Variants in C8orf76 observed in about 807,000 individuals in gnomAD.
The protein encoded by C8orf76 is uncharacterized protein C8orf76.
In C8orf76, 46 loss-of-function variants were observed where a neutral mutation model predicts 38.1. The ratio of observed to expected loss-of-function variants is 1.21; its 90% CI spans 0.95 to 1.54. C8orf76 has a LOEUF of 1.54. Ranked by LOEUF, C8orf76 falls within the 40% of genes most tolerant of loss-of-function variation. The pLI is 0.00. For synonymous variants in C8orf76, 166 were observed against 167.5 expected, an observed-to-expected ratio of 0.99 and a Z score of 0.07; for missense variants, 461 against 441.6, an observed-to-expected ratio of 1.04 and a Z score of -0.39.
chr8:123,232,807 C>T (rs1259366523), intron 3 of C8orf76, among the ~76,000 whole-genome samples: 17 of 152,088 alleles, frequency 1.1e-4, no homozygotes, highest in Non-Finnish European at 2.9e-5. Flanking sequence ...TCCTTCCCAA[C>T]AGACCATTTA....
At chr8:123,235,867 C>A (rs1230501096) in intron 3 of C8orf76, among the ~76,000 whole-genome samples, 1 of 152,178 alleles carries the variant, frequency 6.6e-6, no homozygotes, top group African/African-American at 2.4e-5. Flanking sequence ...GCAAGAAACG[C>A]CGAGCGAGCA....
At position 123,231,618 on chromosome 8, in the gene C8orf76, T is replaced by A. The variant is rs750007760; in HGVS notation, c.497A>T (p.Asn166Ile). The A allele has an allele frequency of 6.2e-7, 1 of 1,614,202 alleles. No homozygotes were observed. Among genetic ancestry groups the A allele is most frequent in the Non-Finnish European group, 8.5e-7 (1 of 1,180,034 alleles). Residue 166 changes from asparagine (N) to isoleucine (I), a missense_variant, in exon 4 of 6, where the codon AAC becomes ATC. Physicochemically the swap from Asn to Ile is moderately radical, Grantham distance 149. Transcript: ENST00000276704. ...GTAAGCCTCTGCCAATTTGCCCCAGTTCCAAGGATTAAAAGGATGCAAAGA... is the reference window on the plus strand; with the variant it reads ...GTAAGCCTCTGCCAATTTGCCCCAGATCCAAGGATTAAAAGGATGCAAAGA... ...LISLHPFNPW[N>I]WGKLAEAYLN... is the part of the protein sequence containing the mutation.
Position 123,239,332 on chromosome 8 carries a change from T to G in C8orf76, c.118-188A>C, listed in dbSNP as rs138152549. 3.9e-3 allele frequency: 2,121 copies of G among 548,374 alleles called. 36 individuals carry two copies. Among genetic ancestry groups the G allele is most frequent in the African/African-American group, 0.037 (1,925 of 52,480 alleles). The allele number at this position is 548,374 out of a possible 1,614,324, so 34.0% of individuals were successfully genotyped here. A position where few individuals can be genotyped will look rare whatever the true frequency, so the allele number is the denominator to read the frequency against. ...TGCCCACCTTGGCCTCCCAAAGTGC[T>G]GGGATTACAGGTGTGAGCCACCGCA... On this transcript the variant is annotated intron_variant, in intron 1 of 5. Transcript: ENST00000276704.
intron 3 of C8orf76, among the ~76,000 whole-genome samples, chr8:123,232,096 A>G (rs1433965482): frequency 2.6e-5 from 4 of 152,264 alleles, no homozygotes; most frequent in Non-Finnish European, 5.9e-5. Context: ...GTCTTCAGCC[A>G]GGTATCTGAA....
In C8orf76 at chr8:123,226,642, C is replaced by G. The variant is rs773311952; in HGVS notation, c.816-10G>C. On this transcript the variant is annotated splice_polypyrimidine_tract_variant and intron_variant, in intron 4 of 5. Transcript: ENST00000276704. The stretch of plus-strand genomic sequence containing the variant: ...AAACTGAAGCAGAAGCCTGAAAAAC[C>G]GAAAAGTCTCAATGCGTGGCGAAAA... 2 of 1,586,834 alleles carry G rather than the reference C, an allele frequency of 1.3e-6. No individual in the cohort carries two copies. Among genetic ancestry groups the G allele is most frequent in the Non-Finnish European group, 1.7e-6 (2 of 1,172,368 alleles).
intron 3 of C8orf76, chr8:123,236,783 CA>C (rs34417634): frequency 0.24 from 89,345 of 374,432 alleles, 495 homozygotes; most frequent in Admixed American, 0.32. Context: ...GACTCTGTCT[CA>C]AAAAAAAAAA....
intron 3 of C8orf76, among the ~76,000 whole-genome samples, chr8:123,234,895 G>A (rs1487594803): frequency 1.3e-5 from 2 of 152,188 alleles, no homozygotes; most frequent in Non-Finnish European, 2.9e-5. Context: ...CTGGGAGGAG[G>A]AGGCTGCAGT....
chr8:123,234,291 G>C (rs1248156837), intron 3 of C8orf76, among the ~76,000 whole-genome samples: 1 of 152,110 alleles, frequency 6.6e-6, no homozygotes, highest in East Asian at 1.9e-4. Flanking sequence ...TGGTAAGCAG[G>C]AGAGCTACAG....
Position 123,239,059 on chromosome 8 carries a change from TGTC to T in C8orf76, c.200_202del (p.Arg67del). 3 of 1,614,134 alleles carry T rather than the reference TGTC, an allele frequency of 1.9e-6. No homozygotes were observed. The highest frequency in any genetic ancestry group is 2.5e-6 in the Non-Finnish European group (3 of 1,179,992). On this transcript the variant is annotated inframe_deletion, in exon 2 of 6. Coordinates refer to ENST00000276704, the MANE Select transcript of C8orf76 (RefSeq NM_032847.3). Reference sequence around the variant, plus strand: ...TATGTTGAATTCTACCTGATACTCTTGTCGTCTGTAGGCCAGGTCTCCTTTGAA... The same window carrying T: ...TATGTTGAATTCTACCTGATACTCTTGTCTGTAGGCCAGGTCTCCTTTGAA...
At chr8:123,224,987 A>T in intron 5 of C8orf76, among the ~76,000 whole-genome samples, 1 of 152,102 alleles carries the variant, frequency 6.6e-6, no homozygotes, top group East Asian at 1.9e-4. Flanking sequence ...GAGAATTAAA[A>T]GACTGATCAG....
intron 3 of C8orf76, among the ~76,000 whole-genome samples, chr8:123,235,005 G>A (rs1055195467): frequency 2.6e-5 from 4 of 152,058 alleles, no homozygotes; most frequent in African/African-American, 7.2e-5. Flanking sequence ...TGGCTAAACC[G>A]ACCAGACACT....
intron 2 of C8orf76, 99 bp downstream of exon 2, chr8:123,238,950 A>G: frequency 8.1e-7 from 1 of 1,240,628 alleles, no homozygotes; most frequent in Non-Finnish European, 1.2e-6. Context: ...GATTAAACTC[A>G]TCTTCATAAA....
chr8:123,224,945 C>T (rs1053625545), intron 5 of C8orf76, among the ~76,000 whole-genome samples: 4 of 152,192 alleles, frequency 2.6e-5, no homozygotes, highest in African/African-American at 7.2e-5. Flanking sequence ...CAGAATATTC[C>T]GGAAAAGCTT....
chr8:123,222,214 G>C (rs1344807007), intron 5 of C8orf76, among the ~76,000 whole-genome samples: 2 of 151,632 alleles, frequency 1.3e-5, no homozygotes, highest in African/African-American at 4.8e-5. Context: ...GTCTTGATCT[G>C]ACCTCGTGAT....
At position 123,231,453 on chromosome 8, in the gene C8orf76, G is replaced by A. The variant is rs763158198; in HGVS notation, c.662C>T (p.Pro221Leu). 80 of 1,614,072 alleles carry A rather than the reference G, an allele frequency of 5.0e-5. No individual in the cohort carries two copies. The South Asian group carries it at 8.0e-4, about 16-fold the overall frequency. The change falls in exon 4 of 6, where the codon CCT becomes CTT. Residue 221 changes from proline to leucine, a missense_variant. Physicochemically the swap from Pro to Leu is moderately conservative, Grantham distance 98. Transcript: ENST00000276704. ...DCLLCFPETL[P>L]ESSLFSVEAN... The stretch of plus-strand genomic sequence containing the variant: ...TTCCACAGAAAATAAAGAGCTCTCA[G>A]GCAAGGTTTCAGGAAAACACAAAAG...
intron 5 of C8orf76, among the ~76,000 whole-genome samples, chr8:123,221,995 T>C (rs1335420760): frequency 2.6e-5 from 4 of 152,128 alleles, no homozygotes; most frequent in African/African-American, 9.7e-5. Flanking sequence ...TTTCTTTTTT[T>C]TGGGGGGCGG....
chr8:123,236,934 A>C, intron 3 of C8orf76: 1 of 1,446,434 alleles, frequency 6.9e-7, no homozygotes, highest in Non-Finnish European at 9.7e-7. Context: ...CAGGACAAGG[A>C]GGGCATCCCA....
intron 4 of C8orf76, among the ~76,000 whole-genome samples, chr8:123,227,298 T>C (rs544372851): frequency 4.8e-4 from 73 of 151,706 alleles, no homozygotes; most frequent in African/African-American, 1.3e-3. Flanking sequence ...ATGCAGATTT[T>C]CCCCTTTTTT....
At chr8:123,236,369 C>G (rs1693542412) in intron 3 of C8orf76, among the ~76,000 whole-genome samples, 1 of 152,038 alleles carries the variant, frequency 6.6e-6, no homozygotes, top group South Asian at 2.1e-4. Flanking sequence ...ACAATCAATA[C>G]AAATAATGCC....
Sources: gnomAD v4.1 joint callset for allele counts (sites outside exome capture counted in the v4.1 genomes callset) on GRCh38, gnomAD v4.1.1 for gene constraint, MANE v1.5 for transcripts, NCBI Gene and HGNC (gene_info 2026-07-23, HGNC 2026-07-21) for gene names.